NALF1: variants seen among roughly 807,000 people sequenced by gnomAD.
The protein encoded by NALF1 is family with sequence similarity 155 member A.
NALF1 carries 3 observed loss-of-function variants against 48.4 expected under a neutral mutation model. The observed-to-expected ratio is 0.06, with a 90% confidence interval of 0.03 to 0.16. The LOEUF (loss-of-function observed/expected upper bound fraction) is 0.16. Ranked by LOEUF, NALF1 falls within the 10% of genes least tolerant of loss-of-function variation. NALF1 has a pLI of 1.00. For synonymous variants in NALF1, 262 were observed against 245.7 expected (o/e 1.07, Z -0.62); for missense variants, 526 against 571.5 (o/e 0.92, Z 0.81).
chr13:107,485,152 A>T (rs1053606818), intron 1 of NALF1, among the ~76,000 whole-genome samples: 2 of 152,146 alleles, frequency 1.3e-5, no homozygotes, highest in African/African-American at 4.8e-5. Flanking sequence ...TGTAACTCCC[A>T]TCTTCCCAAT....
At chr13:107,487,905 C>T (rs554678262) in intron 1 of NALF1, among the ~76,000 whole-genome samples, 39 of 151,644 alleles carry the variant, frequency 2.6e-4, no homozygotes, top group African/African-American at 9.0e-4. Context: ...TTGTCTGGTC[C>T]TGGGCTTTTC....
At position 107,557,422 on chromosome 13, in the gene NALF1, G is replaced by A. The variant is rs146597361; in HGVS notation, c.915+308260C>T. On this transcript the variant is annotated intron_variant, in intron 1 of 2. Coordinates refer to ENST00000375915, the MANE Select transcript of NALF1 (RefSeq NM_001080396.3). ...GGGATGGGGTGACGGTTTGCATACCGTGGGGAAGGCAGAACCTGCTCTTTG... is the reference window on the plus strand; with the variant it reads ...GGGATGGGGTGACGGTTTGCATACCATGGGGAAGGCAGAACCTGCTCTTTG... 6.1e-3 allele frequency among the ~76,000 whole-genome samples: 936 copies of A among 152,230 alleles called. 7 individuals are homozygous for A. Among genetic ancestry groups the A allele is most frequent in the African/African-American group, 0.022 (896 of 41,548 alleles).
At chr13:107,800,782 A>G (rs369184249) in intron 1 of NALF1, among the ~76,000 whole-genome samples, 39 of 149,028 alleles carry the variant, frequency 2.6e-4, no homozygotes, top group East Asian at 2.5e-3. Context: ...AGTTTATTAT[A>G]TTTAAATATA....
intron 1 of NALF1, among the ~76,000 whole-genome samples, chr13:107,570,115 T>C (rs956512134): frequency 6.6e-6 from 1 of 152,152 alleles, no homozygotes; most frequent in East Asian, 1.9e-4. Context: ...TACACCTTGG[T>C]GTTTTCTATA....
intron 1 of NALF1, among the ~76,000 whole-genome samples, chr13:107,324,269 C>T (rs1882308380): frequency 6.6e-6 from 1 of 152,128 alleles, no homozygotes; most frequent in Non-Finnish European, 1.5e-5. Flanking sequence ...AGACGTATTT[C>T]AAAAGGCCTA....
intron 1 of NALF1, among the ~76,000 whole-genome samples, chr13:107,349,481 A>T (rs1882832246): frequency 6.6e-6 from 1 of 152,108 alleles, no homozygotes; most frequent in African/African-American, 2.4e-5. Flanking sequence ...AGTGGCTCAC[A>T]CCTGTAATCC....
chr13:107,232,564 C>T (rs937080640), intron 1 of NALF1, among the ~76,000 whole-genome samples: 4 of 152,168 alleles, frequency 2.6e-5, no homozygotes, highest in Admixed American at 2.6e-4. Context: ...AGGAGCTCTT[C>T]TTCACAATAG....
chr13:107,389,793 T>C (rs1883590565), intron 1 of NALF1, among the ~76,000 whole-genome samples: 1 of 152,170 alleles, frequency 6.6e-6, no homozygotes, highest in African/African-American at 2.4e-5. Context: ...TTTAGCACTG[T>C]TCAATTAACA....
Position 107,866,308 on chromosome 13 carries a change from G to T in NALF1, c.289C>A (p.Arg97=), listed in dbSNP as rs746322757. 1.9e-6 allele frequency: 3 copies of T among 1,607,306 alleles called. No individual in the cohort carries two copies. Among genetic ancestry groups the T allele is most frequent in the Non-Finnish European group, 2.5e-6 (3 of 1,178,696 alleles). Residue 97 remains arginine (R), a synonymous_variant, in exon 1 of 3, where the codon CGG becomes AGG. Coordinates refer to ENST00000375915, the MANE Select transcript of NALF1 (RefSeq NM_001080396.3). This position sits in a 1 kb window ranked among gnomAD's most constrained non-coding sequence, Gnocchi z 4.4. ...RQRQQQQQQR[R]QQEPSWPALL... ...GCGGGCCAGGAGGGCTCCTGCTGCC[G>T]CCGCTGCTGCTGCTGCTGCTGCCGC...
At chr13:107,555,054 T>C (rs967604972) in intron 1 of NALF1, among the ~76,000 whole-genome samples, 2 of 152,152 alleles carry the variant, frequency 1.3e-5, no homozygotes, top group East Asian at 1.9e-4. Context: ...GCAATCACTT[T>C]AATTGGAGTG....
intron 1 of NALF1, among the ~76,000 whole-genome samples, chr13:107,249,841 T>C (rs1011873703): frequency 3.3e-5 from 5 of 152,176 alleles, no homozygotes; most frequent in African/African-American, 1.2e-4. Context: ...GATTTTTATG[T>C]TGACTATCAA....
intron 1 of NALF1, among the ~76,000 whole-genome samples, chr13:107,232,798 T>A (rs931116596): frequency 1.3e-5 from 2 of 152,188 alleles, no homozygotes; most frequent in African/African-American, 4.8e-5. Flanking sequence ...AGCCTGCAAT[T>A]TTTTTCGAGC....
intron 1 of NALF1, among the ~76,000 whole-genome samples, chr13:107,741,527 A>AGCACGGCT (rs11282450): frequency 6.6e-6 from 1 of 152,052 alleles, no homozygotes; most frequent in Non-Finnish European, 1.5e-5. Context: ...CAGGTATTTA[A>AGCACGGCT]CACTGAGAAA....
intron 1 of NALF1, among the ~76,000 whole-genome samples, chr13:107,445,544 G>C (rs1294738597): frequency 6.6e-6 from 1 of 152,148 alleles, no homozygotes; most frequent in Non-Finnish European, 1.5e-5. Flanking sequence ...AGGTATTTGT[G>C]TAAATACAAA....
intron 1 of NALF1, among the ~76,000 whole-genome samples, chr13:107,550,258 C>T (rs1414679403): frequency 6.6e-6 from 1 of 152,114 alleles, no homozygotes; most frequent in Non-Finnish European, 1.5e-5. Flanking sequence ...CTCCAGAGCT[C>T]ACCTCCCTCC....
chr13:107,288,132 T>G (rs1434817061), intron 1 of NALF1, among the ~76,000 whole-genome samples: 1 of 152,182 alleles, frequency 6.6e-6, no homozygotes, highest in Non-Finnish European at 1.5e-5. Flanking sequence ...TTAAAATATT[T>G]GAAGTCATAT....
chr13:107,579,678 T>TC (rs56757685), intron 1 of NALF1, among the ~76,000 whole-genome samples: 18 of 148,452 alleles, frequency 1.2e-4, no homozygotes, highest in South Asian at 2.1e-4. Context: ...ATTTCATATT[T>TC]TTTTTTTATT....
intron 1 of NALF1, among the ~76,000 whole-genome samples, chr13:107,776,860 G>A (rs1877748086): frequency 6.6e-6 from 1 of 152,168 alleles, no homozygotes; most frequent in African/African-American, 2.4e-5. Context: ...GGAGGCCCAG[G>A]CAGGAGGATC....
In NALF1 at chr13:107,442,669, T is replaced by A. The variant is rs554194391; in HGVS notation, c.916-231914A>T. Among the ~76,000 whole-genome samples the A allele has an allele frequency of 1.4e-4, 22 of 152,326 alleles. No individual in the cohort carries two copies. The East Asian group carries it at 3.3e-3, about 23-fold the overall frequency. ...CAAACCTTTTGAATTATCAATTTTT[T>A]AAAAACTTTTTTAAGGAGAGATATT... On this transcript the variant is annotated intron_variant, in intron 1 of 2. Coordinates refer to ENST00000375915, the MANE Select transcript of NALF1 (RefSeq NM_001080396.3).
Sources: allele counts gnomAD v4.1 joint callset (sites outside exome capture counted in the v4.1 genomes callset), GRCh38; gene constraint gnomAD v4.1.1; non-coding constraint Gnocchi (gnomAD v3.1); transcripts MANE v1.5; gene names NCBI Gene and HGNC (gene_info 2026-07-23, HGNC 2026-07-21).